TXNRD2: variants seen among roughly 807,000 people sequenced by gnomAD.
The protein encoded by TXNRD2 is thioredoxin reductase 2.
A neutral mutation model predicts 70.8 loss-of-function variants in TXNRD2; 67 were observed. The observed-to-expected ratio is 0.95, with a 90% CI of 0.78 to 1.16. The LOEUF (loss-of-function observed/expected upper bound fraction) is 1.16, where lower values mean the gene tolerates loss of function less well. Among genes scored for constraint, TXNRD2 ranks in the 50% most tolerant of loss-of-function variants. TXNRD2 has a pLI of 0.00. For synonymous variants in TXNRD2, 301 were observed against 295.8 expected, an observed-to-expected ratio of 1.02 and a Z score of -0.18; for missense variants, 644 against 719.9, an observed-to-expected ratio of 0.89 and a Z score of 1.21.
chr22:19,918,147 C>T lies in TXNRD2; in HGVS notation c.445G>A (p.Asp149Asn). ...LNWGHRVQLQ[D>N]RKVKYFNIKA... ...TCCCGGAGAGAGCTTCAGTACCTGT[C>T]CTGAAGCTGGACACGGTGGCCCCAG... The change falls in exon 5 of 18, where the codon GAC becomes AAC. Residue 149 changes from aspartate (D) to asparagine (N), a missense_variant. Transcript: ENST00000400521. The T allele has an allele frequency of 6.2e-7, 1 of 1,613,830 alleles. No individual in the cohort carries two copies. The highest frequency in any genetic ancestry group is 1.1e-5 in the South Asian group (1 of 91,082).
chr22:19,925,005 C>T (rs1043068210), intron 2 of TXNRD2, among the ~76,000 whole-genome samples: 19 of 150,772 alleles, frequency 1.3e-4, no homozygotes, highest in Non-Finnish European at 2.1e-4. Flanking sequence ...AAGCGGGGGG[C>T]CAGGCATGGT....
At chr22:19,901,115 G>C (rs1034813550) in intron 8 of TXNRD2, among the ~76,000 whole-genome samples, 1 of 152,216 alleles carries the variant, frequency 6.6e-6, no homozygotes, top group East Asian at 1.9e-4. Flanking sequence ...ACACCCTCCT[G>C]ATTTTGCCAC....
chr22:19,898,910 G>A, intron 9 of TXNRD2, 139 bp downstream of exon 9: 2 of 1,073,266 alleles, frequency 1.9e-6, no homozygotes, highest in Non-Finnish European at 2.8e-6. Flanking sequence ...AGGCACAGTA[G>A]ATCCTCCACG....
In TXNRD2 at chr22:19,877,249, T is replaced by C. The variant is rs747783774; in HGVS notation, c.1446-15A>G. 4 of 1,599,508 alleles carry C rather than the reference T, an allele frequency of 2.5e-6. No individual in the cohort carries two copies. The highest frequency in any genetic ancestry group is 1.7e-5 in the Admixed American group (1 of 59,744). Reference sequence around the variant, plus strand: ...AAGCCCCACACCTGCACATGGGGGATGGGGGAGGCAGGCGGGGTCAGCACA... The same window carrying C: ...AAGCCCCACACCTGCACATGGGGGACGGGGGAGGCAGGCGGGGTCAGCACA... On this transcript the variant is annotated splice_polypyrimidine_tract_variant and intron_variant, in intron 16 of 17. Coordinates refer to ENST00000400521, the MANE Select transcript of TXNRD2 (RefSeq NM_006440.5).
chr22:19,878,292 C>G, intron 15 of TXNRD2, 74 bp downstream of exon 15: 1 of 1,598,374 alleles, frequency 6.3e-7, no homozygotes, highest in East Asian at 2.2e-5. Flanking sequence ...GGCCAGTCCT[C>G]GGGTGTTCAC....
chr22:19,934,188 C>A (rs1941461300), intron 1 of TXNRD2, among the ~76,000 whole-genome samples: 1 of 152,130 alleles, frequency 6.6e-6, no homozygotes, highest in Non-Finnish European at 1.5e-5. Context: ...TCAGGGGCTG[C>A]ATCGCCCACC....
chr22:19,877,461 G>A (rs570582529), intron 16 of TXNRD2, among the ~76,000 whole-genome samples: 3 of 152,168 alleles, frequency 2.0e-5, no homozygotes, highest in African/African-American at 4.8e-5. Flanking sequence ...CCACGCCCTG[G>A]CTTGCCCTGG....
rs769243608 is a variant in TXNRD2, at chr22:19,895,598, G to A, written c.775-17C>T. On this transcript the variant is annotated splice_polypyrimidine_tract_variant and intron_variant, in intron 10 of 17. Coordinates refer to ENST00000400521, the MANE Select transcript of TXNRD2 (RefSeq NM_006440.5). ...GGACATTTGCTGCAAAGCACAAGAAGACAGGCCATGAAGACCAGGTGGCCG... is the reference window on the plus strand; with the variant it reads ...GGACATTTGCTGCAAAGCACAAGAAAACAGGCCATGAAGACCAGGTGGCCG... 1.2e-6 allele frequency: 2 copies of A among 1,607,460 alleles called. No homozygotes were observed. Among genetic ancestry groups the A allele is most frequent in the South Asian group, 2.2e-5 (2 of 91,084 alleles).
chr22:19,915,779 T>C lies in TXNRD2; in HGVS notation c.514A>G (p.Lys172Glu). Residue 172 changes from lysine to glutamate, a missense_variant, in exon 6 of 18, where the codon AAA becomes GAA. Physicochemically the swap from Lys to Glu is moderately conservative, Grantham distance 56. This residue lies in a region of TXNRD2 where 566 missense variants were observed against 645.0 expected (regional missense o/e 0.88). Transcript: ENST00000400521. ...CAGATGCTCACCTCTTTCCCACCTT[T>C]GGCAACGCCGCAAACCGTGTGCTCG... Reference protein sequence around the residue: ...VDEHTVCGVAKGGKEILLSAD... With the variant: ...VDEHTVCGVAEGGKEILLSAD... 6.2e-7 allele frequency: 1 copy of C among 1,614,238 alleles called. No individual in the cohort carries two copies. Among genetic ancestry groups the C allele is most frequent in the Non-Finnish European group, 8.5e-7 (1 of 1,180,030 alleles).
At chr22:19,890,216 T>C (rs1467662331) in intron 11 of TXNRD2, among the ~76,000 whole-genome samples, 1 of 152,160 alleles carries the variant, frequency 6.6e-6, no homozygotes, top group Non-Finnish European at 1.5e-5. Flanking sequence ...CCACGTGGTG[T>C]GGAGGGGAAG....
chr22:19,907,501 G>A (rs1413636781), intron 8 of TXNRD2, among the ~76,000 whole-genome samples: 3 of 38,710 alleles, frequency 7.7e-5, no homozygotes, highest in African/African-American at 2.5e-4. Context: ...TGCACCGTGG[G>A]TAGCAGTGAC....
chr22:19,931,816 G>A (rs1941370623), intron 1 of TXNRD2, among the ~76,000 whole-genome samples: 1 of 151,994 alleles, frequency 6.6e-6, no homozygotes, highest in Non-Finnish European at 1.5e-5. Context: ...ACATTCTCAA[G>A]TCCACGTGCC....
At chr22:19,935,289 C>A (rs1262259188) in intron 1 of TXNRD2, among the ~76,000 whole-genome samples, 2 of 152,104 alleles carry the variant, frequency 1.3e-5, no homozygotes, top group Non-Finnish European at 2.9e-5. Flanking sequence ...GAGATAAGGA[C>A]TGAAATACGC....
intron 11 of TXNRD2, 191 bp downstream of exon 11, chr22:19,895,216 T>C (rs1939445488): frequency 1.3e-6 from 2 of 1,597,834 alleles, no homozygotes; most frequent in Non-Finnish European, 1.7e-6. Context: ...GATGGCAAGA[T>C]GGGCACAGCC....
Position 19,880,281 on chromosome 22 carries a change from G to T in TXNRD2, c.1183-10C>A. 6.2e-7 allele frequency: 1 copy of T among 1,613,262 alleles called. No homozygotes were observed. The highest frequency in any genetic ancestry group is 8.5e-7 in the Non-Finnish European group (1 of 1,179,932). ...AGACGGTCGTGGGAACCTGAAAGCA[G>T]GTCTGGAGTCAGGGAGGGCCCTTGG... On this transcript the variant is annotated splice_polypyrimidine_tract_variant and intron_variant, in intron 13 of 17. Transcript: ENST00000400521.
In TXNRD2 at chr22:19,899,323, G is replaced by A. The variant is rs1387236768; in HGVS notation, c.663-255C>T. Among the ~76,000 whole-genome samples, 4 of 152,234 alleles carry A rather than the reference G, an allele frequency of 2.6e-5. No individual in the cohort carries two copies. The East Asian group carries it at 7.7e-4, about 29-fold the overall frequency. ...GACAAGTGGTACCTGTCCCCTGGAA[G>A]GCACCCGGAGGCATGGAGAAACATC... On this transcript the variant is annotated intron_variant, in intron 8 of 17. Transcript: ENST00000400521.
intron 2 of TXNRD2, among the ~76,000 whole-genome samples, chr22:19,925,028 T>C (rs961936636): frequency 2.0e-5 from 3 of 150,104 alleles, no homozygotes; most frequent in Admixed American, 6.6e-5. Context: ...CTCACGCCTG[T>C]AATCCCAGCA....
In TXNRD2 at chr22:19,898,057, G is replaced by A. The variant is rs1371426999; in HGVS notation, c.756C>T (p.Pro252=). Residue 252 remains proline, a synonymous_variant, in exon 10 of 18, where the codon CCC becomes CCT. Coordinates refer to ENST00000400521, the MANE Select transcript of TXNRD2 (RefSeq NM_006440.5). ...GCACTACCTGGTCGAAGCCGCGGAG[G>A]GGGATGCTGCGCATCATGATGGTGG... is the stretch of plus-strand genomic sequence containing the variant. ...LDTTIMMRSI[P]LRGFDQQMSS... is the part of the protein sequence containing the mutation. The A allele has an allele frequency of 3.2e-6, 5 of 1,560,018 alleles. No individual in the cohort carries two copies. The highest frequency in any genetic ancestry group is 4.3e-6 in the Non-Finnish European group (5 of 1,152,498).
At chr22:19,925,333 A>C (rs1941098553) in intron 2 of TXNRD2, among the ~76,000 whole-genome samples, 2 of 151,728 alleles carry the variant, frequency 1.3e-5, no homozygotes, top group Admixed American at 1.3e-4. Context: ...AGGCAAAATA[A>C]AGACGTTTTC....
Sources: gnomAD v4.1 joint callset for allele counts (sites outside exome capture counted in the v4.1 genomes callset) on GRCh38, gnomAD v4.1.1 for gene constraint, gnomAD v4.1.1 regional missense constraint, MANE v1.5 for transcripts, NCBI Gene and HGNC (gene_info 2026-07-23, HGNC 2026-07-21) for gene names.